Variants in LRMDA observed in about 807,000 individuals in gnomAD.
LRMDA encodes leucine-rich melanocyte differentiation-associated protein.
In LRMDA, 18 loss-of-function variants were observed where a neutral mutation model predicts 29.8. The observed-to-expected ratio is 0.60, with a 90% CI of 0.42 to 0.90. The LOEUF is 0.90. Ranked by LOEUF, LRMDA falls within the 40% of genes least tolerant of loss-of-function variation. The pLI, the probability that LRMDA is intolerant of heterozygous loss-of-function variation, is 0.00. For missense variants in LRMDA, 273 were observed against 273.9 expected, an observed-to-expected ratio of 1.00 and a Z score of 0.02; for synonymous variants, 125 against 109.4, an observed-to-expected ratio of 1.14 and a Z score of -0.89.
At position 76,160,562 on chromosome 10, in the gene LRMDA, C is replaced by G. The variant is rs141578595; in HGVS notation, c.516+101779C>G. 5.9e-3 allele frequency among the ~76,000 whole-genome samples: 896 copies of G among 152,100 alleles called. 11 individuals are homozygous for G. Among genetic ancestry groups the G allele is most frequent in the African/African-American group, 0.02 (840 of 41,492 alleles). On this transcript the variant is annotated intron_variant, in intron 5 of 6. Transcript: ENST00000611255. Reference sequence around the variant, plus strand: ...TAGATGTGAGTAGATATAGTTGAAACTAGATTAGCTGTGTGTTGATTTATA... The same window carrying G: ...TAGATGTGAGTAGATATAGTTGAAAGTAGATTAGCTGTGTGTTGATTTATA...
In LRMDA at chr10:75,462,350, C is replaced by T. The variant is rs1296205144; in HGVS notation, c.131+23856C>T. 2.6e-5 allele frequency among the ~76,000 whole-genome samples: 4 copies of T among 152,198 alleles called. No individual in the cohort carries two copies. In the South Asian group the frequency reaches 6.2e-4, roughly 24 times the overall value. ...GAGTGTCACAAATGTGAATTGGTGC[C>T]TTTACATCAGCGGCAGGTGTAGTCT... On this transcript the variant is annotated intron_variant, in intron 2 of 6. Coordinates refer to ENST00000611255, the MANE Select transcript of LRMDA (RefSeq NM_001305581.2).
chr10:76,320,889 C>T (rs1840762779), intron 5 of LRMDA, among the ~76,000 whole-genome samples: 1 of 152,142 alleles, frequency 6.6e-6, no homozygotes, highest in Non-Finnish European at 1.5e-5. Flanking sequence ...TTAGGTGTTT[C>T]CCTGCATACA....
At chr10:75,989,065 G>T (rs1279405670) in intron 2 of LRMDA, among the ~76,000 whole-genome samples, 3 of 152,122 alleles carry the variant, frequency 2.0e-5, no homozygotes, top group African/African-American at 7.2e-5. Context: ...TCCCATGCAG[G>T]TTGCATGCCT....
At chr10:76,377,619 C>T (rs1841537538) in intron 6 of LRMDA, among the ~76,000 whole-genome samples, 1 of 152,136 alleles carries the variant, frequency 6.6e-6, no homozygotes, top group Non-Finnish European at 1.5e-5. Context: ...TTCCCAGCAC[C>T]ATTTATTAAA....
At chr10:75,766,239 A>G (rs1245637693) in intron 2 of LRMDA, among the ~76,000 whole-genome samples, 1 of 152,222 alleles carries the variant, frequency 6.6e-6, no homozygotes, top group Non-Finnish European at 1.5e-5. Context: ...GGCACAGAGT[A>G]GGTCCTCTAT....
chr10:75,893,532 A>C (rs1163216996), intron 2 of LRMDA, among the ~76,000 whole-genome samples: 1 of 152,242 alleles, frequency 6.6e-6, no homozygotes, highest in Non-Finnish European at 1.5e-5. Context: ...AGCTTCCAGG[A>C]ATCCTGAGGA....
At chr10:75,716,698 C>T (rs1156460392) in intron 2 of LRMDA, among the ~76,000 whole-genome samples, 2 of 152,154 alleles carry the variant, frequency 1.3e-5, no homozygotes, top group African/African-American at 4.8e-5. Context: ...GGCCCTCCTC[C>T]CTGCCTCCTT....
At chr10:76,126,852 G>A (rs763201788) in intron 5 of LRMDA, among the ~76,000 whole-genome samples, 1 of 152,164 alleles carries the variant, frequency 6.6e-6, no homozygotes, top group Non-Finnish European at 1.5e-5. Flanking sequence ...GAACAATCTT[G>A]GGCAAAAGGC....
intron 2 of LRMDA, among the ~76,000 whole-genome samples, chr10:75,573,062 C>T (rs922322228): frequency 6.6e-6 from 1 of 152,196 alleles, no homozygotes; most frequent in Admixed American, 6.5e-5. Context: ...GTTCCTTAAG[C>T]CACCCAGTCT....
At chr10:76,203,236 C>T (rs989702589) in intron 5 of LRMDA, among the ~76,000 whole-genome samples, 5 of 152,210 alleles carry the variant, frequency 3.3e-5, no homozygotes, top group African/African-American at 7.2e-5. Context: ...AATCCCTTCT[C>T]TTCTCTGGCC....
chr10:75,960,323 C>T lies in LRMDA; in HGVS notation c.132-75685C>T, dbSNP rs16932744. On this transcript the variant is annotated intron_variant, in intron 2 of 6. Transcript: ENST00000611255. Reference sequence around the variant, plus strand: ...CTCAATCTACTGAATTTGATCATTGCGGCAAAGGAAGAATTTTAAGCAGCA... The same window carrying T: ...CTCAATCTACTGAATTTGATCATTGTGGCAAAGGAAGAATTTTAAGCAGCA... 5.6e-3 allele frequency among the ~76,000 whole-genome samples: 857 copies of T among 152,160 alleles called. 37 individuals carry two copies. In the East Asian group the frequency reaches 0.13, roughly 22 times the overall value.
intron 2 of LRMDA, among the ~76,000 whole-genome samples, chr10:75,929,832 G>T (rs539621587): frequency 2.0e-5 from 3 of 152,174 alleles, no homozygotes; most frequent in Non-Finnish European, 4.4e-5. Flanking sequence ...TCAGGAGTTT[G>T]TTCAGGATTT....
intron 2 of LRMDA, among the ~76,000 whole-genome samples, chr10:75,500,702 G>A (rs527578678): frequency 2.6e-5 from 4 of 152,236 alleles, no homozygotes; most frequent in African/African-American, 4.8e-5. Flanking sequence ...AAGCAGGCAC[G>A]TTTTACATGG....
intron 5 of LRMDA, among the ~76,000 whole-genome samples, chr10:76,146,283 C>T (rs1850319027): frequency 1.3e-5 from 2 of 151,868 alleles, no homozygotes. Flanking sequence ...CTAATGTTGA[C>T]AGTGGGGTGT....
chr10:76,077,991 CATTTTTT>C lies in LRMDA; in HGVS notation c.516+19209_516+19215del, dbSNP rs1273311256. On this transcript the variant is annotated intron_variant, in intron 5 of 6. Coordinates refer to ENST00000611255, the MANE Select transcript of LRMDA (RefSeq NM_001305581.2). ...TTCCTACCCCTAACTGCAATATTAA[CATTTTTT>C]TTTTTTTTTTTTTTTTTTTTTTTTT... is the stretch of plus-strand genomic sequence containing the variant. Among the ~76,000 whole-genome samples, 231 of 83,366 alleles carry C rather than the reference CATTTTTT, an allele frequency of 2.8e-3. 3 individuals are homozygous for C. Among genetic ancestry groups the C allele is most frequent in the Middle Eastern group, 0.027 (3 of 112 alleles). The allele number at this position is 83,366 out of a possible 152,430, so 54.7% of individuals were successfully genotyped here.
chr10:75,709,139 A>G (rs1842405397), intron 2 of LRMDA, among the ~76,000 whole-genome samples: 1 of 152,212 alleles, frequency 6.6e-6, no homozygotes, highest in African/African-American at 2.4e-5. Flanking sequence ...AACTGAACAT[A>G]ACAATTCTAT....
chr10:75,494,636 G>A (rs1799009880), intron 2 of LRMDA, among the ~76,000 whole-genome samples: 3 of 149,836 alleles, frequency 2.0e-5, no homozygotes, highest in Non-Finnish European at 4.4e-5. Context: ...GAGTAGATGG[G>A]ATTACAGGTG....
In LRMDA at chr10:75,585,936, T is replaced by G. The variant is rs188531646; in HGVS notation, c.131+147442T>G. 3.9e-5 allele frequency among the ~76,000 whole-genome samples: 6 copies of G among 152,366 alleles called. No individual in the cohort carries two copies. The East Asian group carries it at 1.2e-3, about 29-fold the overall frequency. ...TGGAATCATGCAGTCTTCTTTTTTC[T>G]GTGATTGACTTATTTCATTTAGCAT... On this transcript the variant is annotated intron_variant, in intron 2 of 6. Coordinates refer to ENST00000611255, the MANE Select transcript of LRMDA (RefSeq NM_001305581.2).
intron 5 of LRMDA, among the ~76,000 whole-genome samples, chr10:76,251,918 C>T (rs774960636): frequency 9.2e-5 from 14 of 152,136 alleles, no homozygotes; most frequent in Non-Finnish European, 1.5e-4. Context: ...GGACCTGGTT[C>T]CCCGGCACTA....
Sources: gnomAD v4.1 joint callset for allele counts (sites outside exome capture counted in the v4.1 genomes callset) on GRCh38, gnomAD v4.1.1 for gene constraint, MANE v1.5 for transcripts, NCBI Gene and HGNC (gene_info 2026-07-23, HGNC 2026-07-21) for gene names.